The following YES1 variants were observed in gnomAD, a reference collection of about 807,000 sequenced individuals.
The protein encoded by YES1 is tyrosine-protein kinase Yes.
Under a neutral mutation model 70.4 loss-of-function variants are expected in YES1, and 39 were observed. That is an observed-to-expected ratio of 0.55 (90% CI 0.43 to 0.72). The LOEUF (loss-of-function observed/expected upper bound fraction) is 0.72, where lower values mean the gene tolerates loss of function less well. Among genes scored for constraint, YES1 ranks in the 30% least tolerant of loss-of-function variants. YES1 has a pLI of 0.00. For synonymous variants in YES1, 198 were observed against 218.6 expected, an observed-to-expected ratio of 0.91 and a Z score of 0.83; for missense variants, 495 against 644.8, an observed-to-expected ratio of 0.77 and a Z score of 2.52.
Position 734,790 on chromosome 18 carries a change from T to C in YES1, c.1292-1825A>G, listed in dbSNP as rs573617633. 2.3e-4 allele frequency among the ~76,000 whole-genome samples: 35 copies of C among 152,152 alleles called. 1 individual carries two copies. In the South Asian group the frequency reaches 6.6e-3, roughly 29 times the overall value. ...AGTACAACCACTATGGAAAACAGTATGGAAACTCCTTAAAGAACGAAAAGC... is the reference window on the plus strand; with the variant it reads ...AGTACAACCACTATGGAAAACAGTACGGAAACTCCTTAAAGAACGAAAAGC... On this transcript the variant is annotated intron_variant, in intron 10 of 11. Coordinates refer to ENST00000314574, the MANE Select transcript of YES1 (RefSeq NM_005433.4).
At chr18:811,780 T>G (rs189565253) in intron 1 of YES1, among the ~76,000 whole-genome samples, 83 of 151,448 alleles carry the variant, frequency 5.5e-4, no homozygotes, top group African/African-American at 1.9e-3. Context: ...AAAATAAACC[T>G]CTCCTCCCCG....
At chr18:796,179 T>G (rs1263681408) in intron 1 of YES1, among the ~76,000 whole-genome samples, 1 of 152,138 alleles carries the variant, frequency 6.6e-6, no homozygotes, top group Non-Finnish European at 1.5e-5. Context: ...AACAGGAAAT[T>G]TGTCCTTCTA....
rs769098533 is a variant in YES1, at chr18:745,863, TG to T, written c.575-7del. 11 of 1,609,282 alleles carry T rather than the reference TG, an allele frequency of 6.8e-6. No individual in the cohort carries two copies. Among genetic ancestry groups the T allele is most frequent in the Non-Finnish European group, 9.3e-6 (11 of 1,178,884 alleles). ...AATAGAAAGGGAATAAGCACCTGGG[TG>T]AAAAATAAATACTTTCACTATATCT... On this transcript the variant is annotated splice_polypyrimidine_tract_variant and splice_region_variant and intron_variant, in intron 5 of 11. Coordinates refer to ENST00000314574, the MANE Select transcript of YES1 (RefSeq NM_005433.4).
At chr18:779,119 G>A (rs998007428) in intron 1 of YES1, among the ~76,000 whole-genome samples, 2 of 152,088 alleles carry the variant, frequency 1.3e-5, no homozygotes, top group African/African-American at 4.8e-5. Context: ...GAATATGTAA[G>A]GAATTTTATG....
At chr18:806,964 G>A (rs1213405961) in intron 1 of YES1, among the ~76,000 whole-genome samples, 1 of 152,204 alleles carries the variant, frequency 6.6e-6, no homozygotes, top group African/African-American at 2.4e-5. Context: ...GTAGATAGTA[G>A]TGGTAAAAGT....
At chr18:806,485 C>A (rs1412438584) in intron 1 of YES1, among the ~76,000 whole-genome samples, 1 of 152,172 alleles carries the variant, frequency 6.6e-6, no homozygotes, top group African/African-American at 2.4e-5. Context: ...TAGAGGTGTA[C>A]TCAAAAGATT....
intron 1 of YES1, among the ~76,000 whole-genome samples, chr18:789,820 G>C (rs1319850358): frequency 6.6e-6 from 1 of 152,038 alleles, no homozygotes; most frequent in African/African-American, 2.4e-5. Flanking sequence ...AGCACTTTGG[G>C]AGGCTGAGGC....
chr18:756,470 C>A, intron 2 of YES1, 87 bp downstream of exon 2: 16 of 1,495,100 alleles, frequency 1.1e-5, no homozygotes, highest in Non-Finnish European at 1.4e-5. Context: ...AGTAAGATAT[C>A]TTTCTTAAAG....
intron 11 of YES1, among the ~76,000 whole-genome samples, chr18:725,409 A>G (rs1178824333): frequency 6.6e-6 from 1 of 152,182 alleles, no homozygotes; most frequent in African/African-American, 2.4e-5. Context: ...ATGATTCTCT[A>G]AAGAAAATGT....
intron 1 of YES1, among the ~76,000 whole-genome samples, chr18:805,614 G>A (rs1281513380): frequency 1.3e-5 from 2 of 152,218 alleles, no homozygotes; most frequent in African/African-American, 2.4e-5. Context: ...TGTCAGAAAT[G>A]AAACTAAAAT....
At chr18:765,694 G>A (rs879424638) in intron 1 of YES1, among the ~76,000 whole-genome samples, 3 of 152,006 alleles carry the variant, frequency 2.0e-5, no homozygotes, top group Admixed American at 6.6e-5. Context: ...CACCGCACCC[G>A]GCCAATTTAA....
In YES1 at chr18:736,794, A is replaced by G. The variant is rs771685902; in HGVS notation, c.1291+14T>C. The G allele has an allele frequency of 1.2e-6, 2 of 1,607,878 alleles. No homozygotes were observed. The highest frequency in any genetic ancestry group is 2.2e-5 in the South Asian group (2 of 90,026). ...CACAACACATTACAAGCTTTTATGT[A>G]AAAGTAATTTTACCTTGTCTTGCTG... On this transcript the variant is annotated intron_variant, in intron 10 of 11. Coordinates refer to ENST00000314574, the MANE Select transcript of YES1 (RefSeq NM_005433.4).
intron 4 of YES1, 104 bp from the exon 5 acceptor site, chr18:746,155 T>C (rs966569121): frequency 2.6e-6 from 2 of 761,346 alleles, no homozygotes; most frequent in South Asian, 1.8e-5. Context: ...CGACAAAGAA[T>C]AGCTAGAGAA....
intron 1 of YES1, among the ~76,000 whole-genome samples, chr18:763,748 C>T (rs1904717851): frequency 6.8e-6 from 1 of 146,608 alleles, no homozygotes; most frequent in African/African-American, 2.5e-5. Flanking sequence ...CAGTGTGGGG[C>T]CAGTGATAAT....
chr18:780,408 T>C (rs528305088), intron 1 of YES1, among the ~76,000 whole-genome samples: 7 of 152,172 alleles, frequency 4.6e-5, no homozygotes, highest in African/African-American at 1.7e-4. Flanking sequence ...GGTGGCTTTA[T>C]AAGAGGAAGA....
intron 1 of YES1, among the ~76,000 whole-genome samples, chr18:802,054 CA>C (rs1352906852): frequency 4.6e-5 from 7 of 152,148 alleles, no homozygotes; most frequent in African/African-American, 1.4e-4. Flanking sequence ...CCTTAATTAA[CA>C]GCTGATATCT....
At chr18:761,610 A>C (rs1298735660) in intron 1 of YES1, among the ~76,000 whole-genome samples, 1 of 151,984 alleles carries the variant, frequency 6.6e-6, no homozygotes, top group East Asian at 1.9e-4. Context: ...TCACCCTATC[A>C]AGTCTTCCAT....
chr18:746,202 T>C (rs2080279477), intron 4 of YES1, 151 bp from the exon 5 acceptor site: 1 of 623,456 alleles, frequency 1.6e-6, no homozygotes, highest in South Asian at 2.1e-5. Flanking sequence ...AGAGTTTTAT[T>C]GATTAAATAG....
At chr18:791,263 A>G (rs978075182) in intron 1 of YES1, among the ~76,000 whole-genome samples, 7 of 145,842 alleles carry the variant, frequency 4.8e-5, no homozygotes, top group Admixed American at 3.4e-4. Context: ...AAAAAAAAAG[A>G]AAAAAAAAAA....
Sources: allele counts gnomAD v4.1 joint callset (sites outside exome capture counted in the v4.1 genomes callset), GRCh38; gene constraint gnomAD v4.1.1; transcripts MANE v1.5; gene names NCBI Gene and HGNC (gene_info 2026-07-23, HGNC 2026-07-21).